GNA11: variants seen among roughly 807,000 people sequenced by gnomAD.
The protein encoded by GNA11 is guanine nucleotide-binding protein subunit alpha-11.
A neutral mutation model predicts 38.2 loss-of-function variants in GNA11; 8 were observed. The ratio of observed to expected loss-of-function variants is 0.21; its 90% confidence interval spans 0.12 to 0.38. GNA11 has a LOEUF of 0.38. GNA11 is among the 10% of genes least tolerant of loss of function. The pLI is 1.00. For synonymous variants in GNA11, 211 were observed against 221.4 expected (o/e 0.95, Z 0.42); for missense variants, 268 against 516.3 (o/e 0.52, Z 4.66).
intron 1 of GNA11, among the ~76,000 whole-genome samples, chr19:3,099,057 C>T (rs1396259496): frequency 6.6e-6 from 1 of 152,208 alleles, no homozygotes; most frequent in Non-Finnish European, 1.5e-5. Flanking sequence ...GTGCTTTCCT[C>T]CGAGATTTAA....
rs567126222 is a variant in GNA11, at chr19:3,098,041, G to A, written c.136+3254G>A. Among the ~76,000 whole-genome samples, 5 of 152,376 alleles carry A rather than the reference G, an allele frequency of 3.3e-5. No individual in the cohort carries two copies. The South Asian group carries it at 8.3e-4, about 25-fold the overall frequency. On this transcript the variant is annotated intron_variant, in intron 1 of 6. Transcript: ENST00000078429. ...TCGTGGCAAAGCTGAGGGATAATGA[G>A]TGCAAATTATTTTGTCAGAAGTTTC... is the stretch of plus-strand genomic sequence containing the variant.
At position 3,110,587 on chromosome 19, in the gene GNA11, A is replaced by T. The variant is rs217611; in HGVS notation, c.321+254A>T. On this transcript the variant is annotated intron_variant, in intron 2 of 6. Transcript: ENST00000078429. The surrounding 1 kb of genome is among the most constrained non-coding windows in gnomAD (Gnocchi z 5.4). ...CCCTCCCAAGTAGCTGTGGGCGCCCACATCCTGTGGGTGGGGAAGCTGAGG... is the reference window on the plus strand; with the variant it reads ...CCCTCCCAAGTAGCTGTGGGCGCCCTCATCCTGTGGGTGGGGAAGCTGAGG... Among the ~76,000 whole-genome samples the T allele has an allele frequency of 6.6e-6, 1 of 152,102 alleles. No homozygotes were observed. The highest frequency in any genetic ancestry group is 1.5e-5 in the Non-Finnish European group (1 of 68,004).
At chr19:3,095,562 C>G (rs1249908398) in intron 1 of GNA11, among the ~76,000 whole-genome samples, 2 of 151,744 alleles carry the variant, frequency 1.3e-5, no homozygotes, top group African/African-American at 4.8e-5. Flanking sequence ...TGTCCCCTAT[C>G]CCCACATTCC....
rs1914077781 is a variant in GNA11, at chr19:3,121,480, A to C, written c.*301A>C. 1 of 261,108 alleles carries C rather than the reference A, an allele frequency of 3.8e-6. No individual in the cohort carries two copies. Among genetic ancestry groups the C allele is most frequent in the Non-Finnish European group, 7.3e-6 (1 of 136,940 alleles). 16.2% of individuals were successfully genotyped at this position (261,108 alleles called of 1,614,324 possible). On this transcript the variant is annotated 3_prime_UTR_variant, in exon 7 of 7. Coordinates refer to ENST00000078429, the MANE Select transcript of GNA11 (RefSeq NM_002067.5). Reference sequence around the variant, plus strand: ...AAAAAAAAAAAAAAAAGAAAGAAAGAAAAAAAGCAACGAAACATAAAACAC... The same window carrying C: ...AAAAAAAAAAAAAAAAGAAAGAAAGCAAAAAAGCAACGAAACATAAAACAC...
chr19:3,104,435 G>A (rs780800817), intron 1 of GNA11, among the ~76,000 whole-genome samples: 1 of 152,216 alleles, frequency 6.6e-6, no homozygotes, highest in Non-Finnish European at 1.5e-5. Context: ...ACTGTGGGGC[G>A]GCCTGTGGCA....
At position 3,122,920 on chromosome 19, in the gene GNA11, A is replaced by G. The variant is rs1017097804; in HGVS notation, c.*1741A>G. 13 of 230,980 alleles carry G rather than the reference A, an allele frequency of 5.6e-5. No individual in the cohort carries two copies. The highest frequency in any genetic ancestry group is 7.7e-5 in the Non-Finnish European group (9 of 117,630). 14.3% of individuals were successfully genotyped at this position (230,980 alleles called of 1,614,324 possible). On this transcript the variant is annotated 3_prime_UTR_variant, in exon 7 of 7. Transcript: ENST00000078429. The surrounding 1 kb of genome is among the most constrained non-coding windows in gnomAD (Gnocchi z 7.7). ...AGCTACATTTCTGGTGATCAGCCCCATGGGGAGACGGGGCTGGCGGGATAC... is the reference window on the plus strand; with the variant it reads ...AGCTACATTTCTGGTGATCAGCCCCGTGGGGAGACGGGGCTGGCGGGATAC...
In GNA11 at chr19:3,120,752, C is replaced by T. The variant is rs2145328542; in HGVS notation, c.890-237C>T. ...AGAGGGAGCAGCGGTGGGTGCAGAG[C>T]CCCAGGTTGGAGGCCTGGGCCGTGA... On this transcript the variant is annotated intron_variant, in intron 6 of 6. Coordinates refer to ENST00000078429, the MANE Select transcript of GNA11 (RefSeq NM_002067.5). The surrounding 1 kb of genome is among the most constrained non-coding windows in gnomAD (Gnocchi z 5.9). 6.6e-6 allele frequency among the ~76,000 whole-genome samples: 1 copy of T among 152,192 alleles called. No homozygotes were observed. The highest frequency in any genetic ancestry group is 3.4e-3 in the Middle Eastern group (1 of 292).
chr19:3,107,885 G>T (rs767694569), intron 1 of GNA11, among the ~76,000 whole-genome samples: 1 of 152,128 alleles, frequency 6.6e-6, no homozygotes, highest in Admixed American at 6.5e-5. Context: ...AGGGAAGGGC[G>T]TGTGGGGGTC....
At chr19:3,099,570 G>A (rs1461623776) in intron 1 of GNA11, among the ~76,000 whole-genome samples, 2 of 152,186 alleles carry the variant, frequency 1.3e-5, no homozygotes, top group Non-Finnish European at 2.9e-5. Flanking sequence ...TCTGTCATCT[G>A]TAGGGCACCT....
Position 3,094,741 on chromosome 19 carries a change from G to C in GNA11, c.90G>C (p.Arg30=). ...RINAEIEKQL[R]RDKRDARREL... ...ACGCCGAGATCGAGAAGCAGCTGCG[G>C]CGGGACAAGCGCGACGCCCGGCGCG... Residue 30 remains arginine, a synonymous_variant, in exon 1 of 7, where the codon CGG becomes CGC. Coordinates refer to ENST00000078429, the MANE Select transcript of GNA11 (RefSeq NM_002067.5). This position sits in a 1 kb window ranked among gnomAD's most constrained non-coding sequence, Gnocchi z 6.0. The C allele has an allele frequency of 6.3e-7, 1 of 1,590,512 alleles. No individual in the cohort carries two copies. Among genetic ancestry groups the C allele is most frequent in the Non-Finnish European group, 8.5e-7 (1 of 1,170,400 alleles).
At chr19:3,118,839 AG>A in intron 4 of GNA11, 84 bp from the exon 5 acceptor site, 1 of 1,229,640 alleles carries the variant, frequency 8.1e-7, no homozygotes, top group Non-Finnish European at 1.2e-6. Flanking sequence ...GTGTGGCAGG[AG>A]GGGCTTGGGT....
chr19:3,116,810 C>T (rs537273094), intron 4 of GNA11, among the ~76,000 whole-genome samples: 2 of 152,308 alleles, frequency 1.3e-5, no homozygotes, highest in East Asian at 3.9e-4. Context: ...GCCAGGGTGT[C>T]CCCACCCAGC....
chr19:3,094,580 C>T lies in GNA11; in HGVS notation c.-72C>T, dbSNP rs1913312590. On this transcript the variant is annotated 5_prime_UTR_variant, in exon 1 of 7. Transcript: ENST00000078429. This position sits in a 1 kb window ranked among gnomAD's most constrained non-coding sequence, Gnocchi z 6.0. ...CCGCGGCGGGCGGCGGCCGAGGCGG[C>T]TCCGGCCAGGGCCGGGCCGGGGGCC... The T allele has an allele frequency of 2.5e-6, 2 of 784,670 alleles. No homozygotes were observed. The highest frequency in any genetic ancestry group is 3.1e-6 in the Non-Finnish European group (2 of 649,710). 48.6% of individuals were successfully genotyped at this position (784,670 alleles called of 1,614,324 possible).
In GNA11 at chr19:3,123,241, G is replaced by A. The variant is rs1038138221; in HGVS notation, c.*2062G>A. 8.6e-6 allele frequency: 2 copies of A among 233,248 alleles called. No homozygotes were observed. The highest frequency in any genetic ancestry group is 8.5e-6 in the Non-Finnish European group (1 of 118,128). The allele number at this position is 233,248 out of a possible 1,614,324, so 14.4% of individuals were successfully genotyped here. On this transcript the variant is annotated 3_prime_UTR_variant, in exon 7 of 7. Coordinates refer to ENST00000078429, the MANE Select transcript of GNA11 (RefSeq NM_002067.5). ...CCAGCACGCAGGCCGGGGCGCTGCG[G>A]GGCTAAGTATTAGGCCTTCCCAGGG...
rs191421665 is a variant in GNA11 at position 3,114,975 on chromosome 19, T to A, written c.508T>A (p.Leu170Met). ...YLTDVDRIAT[L>M]GYLPTQQDVL... The stretch of plus-strand genomic sequence containing the variant: ...GACCGACGTTGACCGCATCGCCACC[T>A]TGGGCTACCTGCCCACCCAGCAGGA... Residue 170 changes from leucine (L) to methionine (M), a missense_variant, in exon 4 of 7, where the codon TTG (leucine) becomes ATG (methionine). Transcript: ENST00000078429. 8.0e-5 allele frequency: 129 copies of A among 1,612,698 alleles called. 1 individual carries two copies. The Admixed American group carries it at 1.5e-3, about 18-fold the overall frequency.
intron 2 of GNA11, among the ~76,000 whole-genome samples, chr19:3,112,021 A>G (rs1317017084): frequency 6.6e-6 from 1 of 152,164 alleles, no homozygotes; most frequent in Non-Finnish European, 1.5e-5. Flanking sequence ...CAAACTGCAG[A>G]CTGATTTTGT....
chr19:3,113,666 C>A (rs1186937797), intron 3 of GNA11, among the ~76,000 whole-genome samples, 182 bp downstream of exon 3: 1 of 152,184 alleles, frequency 6.6e-6, no homozygotes, highest in Non-Finnish European at 1.5e-5. Flanking sequence ...GGAGGGGCCA[C>A]GCCTTGGCAG....
At chr19:3,103,613 T>A (rs1913562161) in intron 1 of GNA11, among the ~76,000 whole-genome samples, 2 of 137,414 alleles carry the variant, frequency 1.5e-5, no homozygotes, top group South Asian at 4.8e-4. Context: ...CTCACCTCTG[T>A]CTCTTGGGTT....
chr19:3,121,217 C>G lies in GNA11; in HGVS notation c.*38C>G. The stretch of plus-strand genomic sequence containing the variant: ...AGGGAGACGGGATGGAGACACGGGG[C>G]AGGACCTTCCTTCCACGGAGCCTGC... On this transcript the variant is annotated 3_prime_UTR_variant, in exon 7 of 7. Transcript: ENST00000078429. 1 of 1,520,068 alleles carries G rather than the reference C, an allele frequency of 6.6e-7. No individual in the cohort carries two copies. Among genetic ancestry groups the G allele is most frequent in the South Asian group, 1.1e-5 (1 of 87,188 alleles). The allele number at this position is 1,520,068 out of a possible 1,614,324, so 94.2% of individuals were successfully genotyped here.
Sources: allele counts gnomAD v4.1 joint callset (sites outside exome capture counted in the v4.1 genomes callset), GRCh38; gene constraint gnomAD v4.1.1; non-coding constraint Gnocchi (gnomAD v3.1); transcripts MANE v1.5; gene names NCBI Gene and HGNC (gene_info 2026-07-23, HGNC 2026-07-21).